SCN9A: variants seen among roughly 807,000 people sequenced by gnomAD.
The protein encoded by SCN9A is sodium channel protein type 9 subunit alpha.
In SCN9A, 131 loss-of-function variants were observed where a neutral mutation model predicts 187.0. The ratio of observed to expected loss-of-function variants is 0.70; its 90% CI spans 0.61 to 0.81. SCN9A has a LOEUF of 0.81. SCN9A is among the 30% of genes least tolerant of loss of function. The pLI is 0.00. For synonymous variants in SCN9A, 809 were observed against 808.6 expected (o/e 1.00, Z -0.01); for missense variants, 2,252 against 2,396.6 (o/e 0.94, Z 1.26).
At chr2:166,320,281 A>G (rs1474763003) in intron 1 of SCN9A, among the ~76,000 whole-genome samples, 2 of 152,152 alleles carry the variant, frequency 1.3e-5, no homozygotes, top group African/African-American at 4.8e-5. Context: ...AAAAAGCTGT[A>G]AAATAAAAGA....
intron 19 of SCN9A, among the ~76,000 whole-genome samples, chr2:166,241,518 C>G (rs1345922413): frequency 6.6e-6 from 1 of 152,138 alleles, no homozygotes; most frequent in Admixed American, 6.6e-5. Context: ...TTCTTCCCAC[C>G]ACACTTGCAG....
Position 166,272,462 on chromosome 2 carries a change from G to A in SCN9A, c.3288C>T (p.Ser1096=), listed in dbSNP as rs749337119. ...TVTVPIAPGE[S]DLENMNAEEL... is the part of the protein sequence containing the mutation. ...CCTCAGCATTCATATTTTCCAAATC[G>A]GATTCCCCAGGTGCAATTGGCACTG... Residue 1096 remains serine (S), a synonymous_variant, in exon 17 of 27, where the codon TCC becomes TCT. Transcript: ENST00000642356. 62 of 1,611,400 alleles carry A rather than the reference G, an allele frequency of 3.8e-5. No homozygotes were observed. In the Admixed American group the frequency reaches 7.5e-4, roughly 20 times the overall value.
intron 7 of SCN9A, among the ~76,000 whole-genome samples, chr2:166,300,369 C>A (rs1229851521): frequency 6.6e-6 from 1 of 150,890 alleles, no homozygotes; most frequent in African/African-American, 2.5e-5. Context: ...CACATAGACT[C>A]ACACCCACAC....
At chr2:166,363,400 T>C (rs894437923) in intron 1 of SCN9A, among the ~76,000 whole-genome samples, 1 of 152,030 alleles carries the variant, frequency 6.6e-6, no homozygotes, top group Non-Finnish European at 1.5e-5. Flanking sequence ...GATTTAATCA[T>C]ATCTAGGATT....
In SCN9A at chr2:166,278,161, T is replaced by G. The variant is rs200185692; in HGVS notation, c.2496A>C (p.Ser832=). ...TTACCAGTCTGAATGATCGCAGAAC[T>G]GACAATCCTTCCACATCTGCTAGAA... The part of the protein sequence containing the change: ...ELFLADVEGL[S]VLRSFRLLRV... The change falls in exon 15 of 27, where the codon TCA becomes TCC. Residue 832 remains serine, a synonymous_variant. Coordinates refer to ENST00000642356, the MANE Select transcript of SCN9A (RefSeq NM_001365536.1). 9.7e-5 allele frequency: 157 copies of G among 1,612,844 alleles called. No homozygotes were observed. The highest frequency in any genetic ancestry group is 1.3e-4 in the Non-Finnish European group (153 of 1,179,560).
intron 21 of SCN9A, among the ~76,000 whole-genome samples, chr2:166,230,186 T>C (rs1036801080): frequency 6.6e-6 from 1 of 152,150 alleles, no homozygotes; most frequent in Non-Finnish European, 1.5e-5. Flanking sequence ...TCCAAGAACA[T>C]TTTTACAAAA....
At chr2:166,332,176 G>A (rs1699520280) in intron 1 of SCN9A, among the ~76,000 whole-genome samples, 1 of 152,044 alleles carries the variant, frequency 6.6e-6, no homozygotes, top group South Asian at 2.1e-4. Flanking sequence ...CCTTGTGCTG[G>A]GTCTATGTAC....
rs771304275 is a variant in SCN9A at position 166,311,520 on chromosome 2, G to A, written c.237C>T (p.Asp79=). 6.2e-7 allele frequency: 1 copy of A among 1,609,562 alleles called. No homozygotes were observed. The highest frequency in any genetic ancestry group is 2.2e-5 in the East Asian group (1 of 44,784). The change falls in exon 2 of 27, where the codon GAC becomes GAT. Residue 79 remains aspartate (D), a synonymous_variant. Transcript: ENST00000642356. The stretch of plus-strand genomic sequence containing the variant: ...TCACCTTTTTGTCTGCATAGTAGGG[G>A]TCCAAGTCCTCCAGGGGCTCTGACA... ...GMVSEPLEDL[D]PYYADKKTFI...
At chr2:166,243,568 TA>T (rs1695658499) in intron 18 of SCN9A, among the ~76,000 whole-genome samples, 2 of 151,772 alleles carry the variant, frequency 1.3e-5, no homozygotes, top group Admixed American at 1.3e-4. Flanking sequence ...AAAATATCAG[TA>T]AAAAAGAGTT....
At position 166,204,365 on chromosome 2, in the gene SCN9A, G is replaced by A. The variant is rs1051314422; in HGVS notation, c.4498C>T (p.Pro1500Ser). The part of the protein sequence containing the change: ...SKKPQKPIPR[P>S]GNKIQGCIFD... ...AGATATATATATTTTTTTACCCCTG[G>A]TCGAGGAATTGGCTTTTGTGGCTTC... Residue 1500 changes from proline (P) to serine (S), a missense_variant, in exon 25 of 27, where the codon CCA becomes TCA. Physicochemically the swap from Pro to Ser is moderately conservative, Grantham distance 74 (BLOSUM62 -1). This residue lies in a region of SCN9A where 368 missense variants were observed against 408.6 expected (regional missense o/e 0.90). Coordinates refer to ENST00000642356, the MANE Select transcript of SCN9A (RefSeq NM_001365536.1). The A allele has an allele frequency of 1.2e-6, 2 of 1,605,106 alleles. No homozygotes were observed. The highest frequency in any genetic ancestry group is 1.7e-6 in the Non-Finnish European group (2 of 1,174,194).
At position 166,306,609 on chromosome 2, in the gene SCN9A, A is replaced by G. The variant is rs1351935203; in HGVS notation, c.378-10T>C. Reference sequence around the variant, plus strand: ...GAGCATGCTGAATAAGGTAGCTTAGAATCAAGGAACAAAAGAGACGACAGT... The same window carrying G: ...GAGCATGCTGAATAAGGTAGCTTAGGATCAAGGAACAAAAGAGACGACAGT... On this transcript the variant is annotated splice_polypyrimidine_tract_variant and intron_variant, in intron 3 of 26. Transcript: ENST00000642356. 2.0e-6 allele frequency: 3 copies of G among 1,535,788 alleles called. No homozygotes were observed. The highest frequency in any genetic ancestry group is 3.8e-5 in the Admixed American group (2 of 52,802).
chr2:166,309,541 A>G (rs1189505901), intron 2 of SCN9A, among the ~76,000 whole-genome samples: 7 of 152,136 alleles, frequency 4.6e-5, no homozygotes, highest in Admixed American at 4.6e-4. Context: ...TCCAACTTAC[A>G]AGGGATGTGA....
chr2:166,280,456 A>G lies in SCN9A; in HGVS notation c.2244T>C (p.Leu748=). The change falls in exon 14 of 27, where the codon CTT becomes CTC. Residue 748 remains leucine, a synonymous_variant. Transcript: ENST00000642356. The part of the protein sequence containing the change: ...YFIVMDPFVD[L]AITICIVLNT... ...TTAAAACTATGCAAATGGTAATTGC[A>G]AGATCTACAAAAGGATCCATTACAA... 2 of 1,587,930 alleles carry G rather than the reference A, an allele frequency of 1.3e-6. No homozygotes were observed. Among genetic ancestry groups the G allele is most frequent in the Non-Finnish European group, 1.7e-6 (2 of 1,165,058 alleles).
At chr2:166,305,761 T>C in intron 5 of SCN9A, 31 bp downstream of exon 5, 1 of 1,613,014 alleles carries the variant, frequency 6.2e-7, no homozygotes. Flanking sequence ...TTTTCATAAA[T>C]TTGCCGTTTC....
intron 1 of SCN9A, among the ~76,000 whole-genome samples, chr2:166,328,964 C>T (rs1193871732): frequency 3.9e-5 from 6 of 151,910 alleles, no homozygotes; most frequent in Non-Finnish European, 4.4e-5. Context: ...AAAATTTTTT[C>T]TCTGTTGTGT....
chr2:166,303,052 T>C (rs1165446525), intron 7 of SCN9A, 38 bp downstream of exon 7: 1 of 1,386,526 alleles, frequency 7.2e-7, no homozygotes, highest in African/African-American at 1.4e-5. Context: ...GTTTTTAGCA[T>C]TATTTCAACC....
intron 1 of SCN9A, among the ~76,000 whole-genome samples, chr2:166,335,350 A>T (rs1406753848): frequency 6.6e-6 from 1 of 152,140 alleles, no homozygotes; most frequent in Non-Finnish European, 1.5e-5. Flanking sequence ...CAAAAATCTA[A>T]ACGTTCTGTT....
chr2:166,325,540 TA>T (rs1289124862), intron 1 of SCN9A, among the ~76,000 whole-genome samples: 6 of 152,208 alleles, frequency 3.9e-5, no homozygotes, highest in South Asian at 2.1e-4. Flanking sequence ...TATAATAGGC[TA>T]AAAAAATACA....
intron 1 of SCN9A, among the ~76,000 whole-genome samples, chr2:166,343,965 T>A (rs1478069225): frequency 6.6e-6 from 1 of 152,196 alleles, no homozygotes; most frequent in East Asian, 1.9e-4. Context: ...TCAATACATA[T>A]TAAATCTCAA....
Sources: allele counts gnomAD v4.1 joint callset (sites outside exome capture counted in the v4.1 genomes callset), GRCh38; gene constraint gnomAD v4.1.1; regional missense constraint gnomAD v4.1.1; transcripts MANE v1.5; gene names NCBI Gene and HGNC (gene_info 2026-07-23, HGNC 2026-07-21).